The following TGIF2 variants were observed in gnomAD, a reference collection of about 807,000 sequenced individuals.
TGIF2 encodes the protein homeobox protein TGIF2.
Under a neutral mutation model 15.1 loss-of-function variants are expected in TGIF2, and 5 were observed. The ratio of observed to expected loss-of-function variants is 0.33; its 90% CI spans 0.17 to 0.70. The LOEUF is 0.70. TGIF2 is among the 30% of genes least tolerant of loss of function. The pLI, the probability that TGIF2 is intolerant of heterozygous loss-of-function variation, is 0.67. For synonymous variants in TGIF2, 131 were observed against 128.9 expected (o/e 1.02, Z -0.11); for missense variants, 264 against 302.5 (o/e 0.87, Z 0.94).
intron 1 of TGIF2, among the ~76,000 whole-genome samples, chr20:36,577,632 C>T (rs759305764): frequency 7.2e-5 from 11 of 151,928 alleles, no homozygotes. Flanking sequence ...AATTCTGCCT[C>T]AGCCTCCCGA....
chr20:36,584,168 T>TACATTGATCCACCTCCCC (rs1392563637), intron 2 of TGIF2, among the ~76,000 whole-genome samples: 5 of 152,172 alleles, frequency 3.3e-5, no homozygotes, highest in African/African-American at 1.2e-4. Flanking sequence ...ACATTCCCAC[T>TACATTGATCCACCTCCCC]ACATTGATCC....
rs1321763571 is a variant in TGIF2 at position 36,576,091 on chromosome 20, C to CA, written c.-35+2359dup. Among the ~76,000 whole-genome samples, 428 of 120,632 alleles carry CA rather than the reference C, an allele frequency of 3.5e-3. 1 individual carries two copies. Among genetic ancestry groups the CA allele is most frequent in the East Asian group, 9.0e-3 (39 of 4,342 alleles). The allele number at this position is 120,632 out of a possible 152,430, so 79.1% of individuals were successfully genotyped here. ...TAGGCTACAGAGCGAGACTCCATCT[C>CA]AAAAAAAAAAAAAGAAAGAAAGAAA... On this transcript the variant is annotated intron_variant, in intron 1 of 2. Transcript: ENST00000373872.
chr20:36,589,751 C>G (rs1455487064), intron 2 of TGIF2, among the ~76,000 whole-genome samples: 1 of 152,030 alleles, frequency 6.6e-6, no homozygotes, highest in Non-Finnish European at 1.5e-5. Context: ...TACAGTGGCA[C>G]AGTCACAGCT....
Position 36,578,790 on chromosome 20 carries a change from C to G in TGIF2, c.16C>G (p.Leu6Val), listed in dbSNP as rs779779957. Residue 6 changes from leucine to valine, a missense_variant, in exon 2 of 3, where the codon CTA becomes GTA. Coordinates refer to ENST00000373872, the MANE Select transcript of TGIF2 (RefSeq NM_021809.7). The stretch of plus-strand genomic sequence containing the variant: ...CCTAGGCACCATGTCGGACAGTGAT[C>G]TAGGTGAGGACGAAGGCCTCCTCTC... The part of the protein sequence containing the change: MSDSD[L>V]GEDEGLLSLA... 7 of 1,612,802 alleles carry G rather than the reference C, an allele frequency of 4.3e-6. No homozygotes were observed. Among genetic ancestry groups the G allele is most frequent in the Non-Finnish European group, 5.9e-6 (7 of 1,179,290 alleles).
chr20:36,578,714 T>C, intron 1 of TGIF2, 27 bp from the exon 2 acceptor site: 1 of 1,539,908 alleles, frequency 6.5e-7, no homozygotes, highest in Non-Finnish European at 8.7e-7. Flanking sequence ...CTAATGATGT[T>C]CCCATCCCCT....
chr20:36,578,557 T>G (rs1263870025), intron 1 of TGIF2, among the ~76,000 whole-genome samples, 184 bp from the exon 2 acceptor site: 1 of 152,212 alleles, frequency 6.6e-6, no homozygotes, highest in African/African-American at 2.4e-5. Context: ...ACCTGTTCCA[T>G]GAAGTGGAGG....
At chr20:36,581,478 C>A (rs1256200152) in intron 2 of TGIF2, among the ~76,000 whole-genome samples, 1 of 152,216 alleles carries the variant, frequency 6.6e-6, no homozygotes, top group African/African-American at 2.4e-5. Flanking sequence ...AGAGTCCAAA[C>A]TGATCTACAG....
chr20:36,585,712 AAGT>A (rs1359407411), intron 2 of TGIF2, among the ~76,000 whole-genome samples: 1 of 151,966 alleles, frequency 6.6e-6, no homozygotes, highest in African/African-American at 2.4e-5. Context: ...TTAGGGAAAA[AAGT>A]AGTTTGTAAA....
At chr20:36,588,355 CTTTTTTTT>C (rs397802665) in intron 2 of TGIF2, among the ~76,000 whole-genome samples, 33 of 60,428 alleles carry the variant, frequency 5.5e-4, no homozygotes, top group African/African-American at 1.9e-3. Flanking sequence ...GCCCTTCCTT[CTTTTTTTT>C]TTTTTTTTTT....
chr20:36,579,089 T>C (rs1184785201), intron 2 of TGIF2, 123 bp downstream of exon 2: 16 of 1,363,202 alleles, frequency 1.2e-5, no homozygotes, highest in Non-Finnish European at 1.6e-5. Flanking sequence ...TTCGGTTTCT[T>C]CTTGGGTTAG....
At position 36,581,940 on chromosome 20, in the gene TGIF2, A is replaced by G. The variant is rs796688791; in HGVS notation, c.192+2974A>G. Among the ~76,000 whole-genome samples, 3 of 152,224 alleles carry G rather than the reference A, an allele frequency of 2.0e-5. No homozygotes were observed. In the South Asian group the frequency reaches 6.2e-4, roughly 32 times the overall value. ...CACCATGCCTGGCCCATCTTTTTAA[A>G]GAAAACATTTTTCGGCCGGGAATGG... On this transcript the variant is annotated intron_variant, in intron 2 of 2. Coordinates refer to ENST00000373872, the MANE Select transcript of TGIF2 (RefSeq NM_021809.7).
Position 36,591,136 on chromosome 20 carries a change from A to C in TGIF2, c.419A>C (p.Glu140Ala), listed in dbSNP as rs755003463. The C allele has an allele frequency of 2.5e-6, 4 of 1,613,362 alleles. No individual in the cohort carries two copies. The Admixed American group carries it at 6.7e-5, about 27-fold the overall frequency. The stretch of plus-strand genomic sequence containing the variant: ...ATGCCGCTTCACTCAGGCCAGGGGG[A>C]AAAGCCAGCAGCCCCTTTCCCACGT... ...CSMPLHSGQG[E>A]KPAAPFPRGE... Residue 140 changes from glutamate (E) to alanine (A), a missense_variant, in exon 3 of 3, where the codon GAA (glutamate) becomes GCA (alanine). Physicochemically the swap from Glu to Ala is moderately radical, Grantham distance 107. Coordinates refer to ENST00000373872, the MANE Select transcript of TGIF2 (RefSeq NM_021809.7). The surrounding 1 kb of genome is among the most constrained non-coding windows in gnomAD (Gnocchi z 5.3).
At chr20:36,578,301 C>T (rs1212141029) in intron 1 of TGIF2, among the ~76,000 whole-genome samples, 1 of 151,782 alleles carries the variant, frequency 6.6e-6, no homozygotes, top group Non-Finnish European at 1.5e-5. Context: ...GTAATCCCAG[C>T]TACTCAGAGG....
intron 2 of TGIF2, among the ~76,000 whole-genome samples, chr20:36,579,711 C>G (rs2038505535): frequency 6.6e-6 from 1 of 152,162 alleles, no homozygotes; most frequent in Admixed American, 6.5e-5. Flanking sequence ...GTTCTGTGTT[C>G]ATAATCCAGT....
chr20:36,577,645 A>G (rs2038460049), intron 1 of TGIF2, among the ~76,000 whole-genome samples: 1 of 151,576 alleles, frequency 6.6e-6, no homozygotes, highest in South Asian at 2.1e-4. Flanking sequence ...CCTCCCGAGT[A>G]GCTGGGACTA....
intron 1 of TGIF2, among the ~76,000 whole-genome samples, chr20:36,574,171 G>A (rs898111083): frequency 6.6e-6 from 1 of 151,870 alleles, no homozygotes; most frequent in Non-Finnish European, 1.5e-5. Flanking sequence ...ACAGCTGGGG[G>A]TGGGGGCCGC....
rs2038758632 is a variant in TGIF2 at position 36,590,995 on chromosome 20, T to C, written c.278T>C (p.Ile93Thr). ...GGCAAAGACCCTAATCAGTTTACCA[T>C]TTCCCGCCGCGGGGGTAAGGCCTCA... ...KDGKDPNQFT[I>T]SRRGGKASDV... The change falls in exon 3 of 3, where the codon ATT (isoleucine) becomes ACT (threonine). Residue 93 changes from isoleucine (I) to threonine (T), a missense_variant. Ile to Thr is a moderately conservative substitution (Grantham distance 89, BLOSUM62 -1). Coordinates refer to ENST00000373872, the MANE Select transcript of TGIF2 (RefSeq NM_021809.7). The C allele has an allele frequency of 6.3e-7, 1 of 1,587,522 alleles. No homozygotes were observed. Among genetic ancestry groups the C allele is most frequent in the Non-Finnish European group, 8.6e-7 (1 of 1,162,012 alleles).
chr20:36,575,368 A>C (rs1226293295), intron 1 of TGIF2, among the ~76,000 whole-genome samples: 1 of 151,708 alleles, frequency 6.6e-6, no homozygotes, highest in Non-Finnish European at 1.5e-5. Flanking sequence ...CTGAGGGGTC[A>C]TTCCCCAGGG....
chr20:36,589,732 A>C (rs2038731160), intron 2 of TGIF2, among the ~76,000 whole-genome samples: 1 of 151,944 alleles, frequency 6.6e-6, no homozygotes, highest in Admixed American at 6.6e-5. Flanking sequence ...GCTGTCACCC[A>C]GGCTGGAGTA....
Sources: allele counts gnomAD v4.1 joint callset (sites outside exome capture counted in the v4.1 genomes callset), GRCh38; gene constraint gnomAD v4.1.1; non-coding constraint Gnocchi (gnomAD v3.1); transcripts MANE v1.5; gene names NCBI Gene and HGNC (gene_info 2026-07-23, HGNC 2026-07-21).